The following SYNE2 variants were observed in gnomAD, a reference collection of about 807,000 sequenced individuals.
SYNE2 encodes the protein spectrin repeat containing nuclear envelope protein 2.
SYNE2 carries 431 observed loss-of-function variants against 856.3 expected under a neutral mutation model. The ratio of observed to expected loss-of-function variants is 0.50; its 90% CI spans 0.47 to 0.55. The LOEUF (loss-of-function observed/expected upper bound fraction) is 0.55, where lower values mean the gene tolerates loss of function less well. Among genes scored for constraint, SYNE2 ranks in the 20% least tolerant of loss-of-function variants. The pLI is 0.00. For missense variants in SYNE2, 8,129 were observed against 8,023.2 expected (o/e 1.01, Z -0.50); for synonymous variants, 2,923 against 2,872.3 (o/e 1.02, Z -0.56).
At chr14:63,782,703 C>G (rs557285464) in intron 1 of SYNE2, among the ~76,000 whole-genome samples, 46 of 151,916 alleles carry the variant, frequency 3.0e-4, no homozygotes, top group African/African-American at 1.1e-3. Flanking sequence ...AGAATGCCAA[C>G]TACAAAGTGT....
intron 89 of SYNE2, 141 bp downstream of exon 89, chr14:64,163,722 G>A (rs2098347792): frequency 5.6e-6 from 5 of 895,476 alleles, no homozygotes; most frequent in South Asian, 1.4e-5. Flanking sequence ...AAATGTATAC[G>A]ATTCTAGCTT....
chr14:63,774,561 G>T (rs1172497661), intron 1 of SYNE2, among the ~76,000 whole-genome samples: 4 of 151,406 alleles, frequency 2.6e-5, no homozygotes, highest in Non-Finnish European at 4.4e-5. Flanking sequence ...TTGAGACAGG[G>T]TCTCGCTCTG....
At chr14:63,969,981 C>A (rs1319518228) in intron 11 of SYNE2, among the ~76,000 whole-genome samples, 4 of 152,032 alleles carry the variant, frequency 2.6e-5, no homozygotes, top group African/African-American at 9.7e-5. Flanking sequence ...ATGAAATATT[C>A]CTGCTTATCT....
At chr14:64,039,536 A>T (rs1270055651) in intron 45 of SYNE2, among the ~76,000 whole-genome samples, 1 of 152,230 alleles carries the variant, frequency 6.6e-6, no homozygotes, top group African/African-American at 2.4e-5. Flanking sequence ...CCCAAATGAA[A>T]GGAAAGATAC....
In SYNE2 at chr14:64,048,684, G is replaced by A. The variant is rs540579232; in HGVS notation, c.7377+529G>A. 3.5e-3 allele frequency: 542 copies of A among 153,656 alleles called. 1 individual carries two copies. The highest frequency in any genetic ancestry group is 0.014 in the South Asian group (68 of 4,914). The allele number at this position is 153,656 out of a possible 1,614,324, so 9.5% of individuals were successfully genotyped here. A position where few individuals can be genotyped will look rare whatever the true frequency, so the allele number is the denominator to read the frequency against. On this transcript the variant is annotated intron_variant, in intron 46 of 115. Transcript: ENST00000555002. ...GCACTTTGGGAGGCCGAGGCGGGAG[G>A]ACTGCCTGAGTCCAGGAGTTGGAGA...
rs11334415 is a variant in SYNE2, at chr14:63,827,625, CAAAAAAAAA to C, written c.-304-24853_-304-24845del. Among the ~76,000 whole-genome samples, 8 of 28,406 alleles carry C rather than the reference CAAAAAAAAA, an allele frequency of 2.8e-4. No homozygotes were observed. In the South Asian group the frequency reaches 4.4e-3, roughly 16 times the overall value. The allele number at this position is 28,406 out of a possible 152,430, so 18.6% of individuals were successfully genotyped here. A position where few individuals can be genotyped will look rare whatever the true frequency, so the allele number is the denominator to read the frequency against. On this transcript the variant is annotated intron_variant, in intron 1 of 23. Coordinates refer to the SYNE2 transcript ENST00000674003. Reference sequence around the variant, plus strand: ...GGGCAACAAGATTGAAACTCTGTCTCAAAAAAAAAAAAAAAAAAAAAAAAAAAAAAAGAA... The same window carrying C: ...GGGCAACAAGATTGAAACTCTGTCTCAAAAAAAAAAAAAAAAAAAAAAGAA...
intron 1 of SYNE2, among the ~76,000 whole-genome samples, chr14:63,764,375 A>G (rs1306109240): frequency 6.6e-6 from 1 of 152,178 alleles, no homozygotes; most frequent in Non-Finnish European, 1.5e-5. Flanking sequence ...AGAAGTTCAA[A>G]GTGGACAGTG....
At chr14:63,810,330 A>G (rs1170956687) in intron 1 of SYNE2, among the ~76,000 whole-genome samples, 2 of 152,228 alleles carry the variant, frequency 1.3e-5, no homozygotes, top group Non-Finnish European at 2.9e-5. Context: ...AAGTGATGAT[A>G]AACCCATATA....
At position 64,152,708 on chromosome 14, in the gene SYNE2, C is replaced by G; in HGVS notation, c.15784C>G (p.Leu5262Val). ...GTTATTTCAAAAGAGAAGCAGTGTTCTCACTCAGGTACTAGAATTCATTTG... is the reference window on the plus strand; with the variant it reads ...GTTATTTCAAAAGAGAAGCAGTGTTGTCACTCAGGTACTAGAATTCATTTG... ...DELFQKRSSV[L>V]TQVNQLKTSM... The change falls in exon 85 of 116, where the codon CTC (leucine) becomes GTC (valine). Residue 5262 changes from leucine (L) to valine (V), a missense_variant. Physicochemically the swap from Leu to Val is conservative, Grantham distance 32. Around this residue, in one of 3 missense-constraint regions of SYNE2, gnomAD observed 5,410 missense variants for 5,284.8 expected, o/e 1.02. Transcript: ENST00000555002. 5.0e-6 allele frequency: 8 copies of G among 1,614,074 alleles called. No homozygotes were observed. Among genetic ancestry groups the G allele is most frequent in the Non-Finnish European group, 6.8e-6 (8 of 1,179,984 alleles).
In SYNE2 at chr14:63,796,987, A is replaced by T. The variant is rs181217754; in HGVS notation, c.-305+35001A>T. 5.1e-3 allele frequency among the ~76,000 whole-genome samples: 763 copies of T among 149,596 alleles called. 5 individuals carry two copies. The highest frequency in any genetic ancestry group is 9.1e-3 in the Non-Finnish European group (614 of 67,140). ...CCAGCTACTCGGGAGGCTGAGGCAGAAGAATCGCTTGAACCCAGGAGGTGG... is the reference window on the plus strand; with the variant it reads ...CCAGCTACTCGGGAGGCTGAGGCAGTAGAATCGCTTGAACCCAGGAGGTGG... On this transcript the variant is annotated intron_variant, in intron 1 of 23. Transcript: ENST00000674003.
At chr14:64,210,973 TTCTC>T (rs1021170235) in intron 103 of SYNE2, among the ~76,000 whole-genome samples, 4 of 152,038 alleles carry the variant, frequency 2.6e-5, no homozygotes, top group African/African-American at 9.7e-5. Flanking sequence ...CCGTCTTTCT[TTCTC>T]TCTCTTCTCT....
chr14:63,824,226 C>T (rs1477066352), intron 1 of SYNE2, among the ~76,000 whole-genome samples: 1 of 152,124 alleles, frequency 6.6e-6, no homozygotes, highest in Non-Finnish European at 1.5e-5. Flanking sequence ...GTAGTCCCAG[C>T]TACTTGGGAG....
intron 96 of SYNE2, among the ~76,000 whole-genome samples, chr14:64,184,358 G>GTGTGTGTA (rs989630777): frequency 6.6e-6 from 1 of 150,724 alleles, no homozygotes; most frequent in African/African-American, 2.5e-5. Context: ...GTGTGTGTGT[G>GTGTGTGTA]TGTGTATGTG....
intron 11 of SYNE2, among the ~76,000 whole-genome samples, chr14:63,970,348 C>A (rs955063513): frequency 2.6e-5 from 4 of 152,094 alleles, no homozygotes; most frequent in Non-Finnish European, 5.9e-5. Flanking sequence ...GCCATCACAC[C>A]TTTCAAAGTT....
At chr14:64,213,941 A>G (rs2098654076) in intron 105 of SYNE2, among the ~76,000 whole-genome samples, 1 of 152,202 alleles carries the variant, frequency 6.6e-6, no homozygotes, top group Non-Finnish European at 1.5e-5. Flanking sequence ...TTAGATTATC[A>G]AACTTCAGCT....
Position 64,060,395 on chromosome 14 carries a change from G to A in SYNE2, c.10068-2356G>A, listed in dbSNP as rs576106789. Among the ~76,000 whole-genome samples the A allele has an allele frequency of 2.6e-5, 4 of 152,164 alleles. No individual in the cohort carries two copies. The South Asian group carries it at 6.2e-4, about 24-fold the overall frequency. ...CTGCCAGGGCTGGGTCCTTCCCTTC[G>A]AGGAAGTGGGTTCCCTTCTGGCCCA... is the stretch of plus-strand genomic sequence containing the variant. On this transcript the variant is annotated intron_variant, in intron 49 of 115. Transcript: ENST00000555002.
chr14:64,038,499 G>GCC (rs2097120536), intron 45 of SYNE2, among the ~76,000 whole-genome samples: 1 of 152,206 alleles, frequency 6.6e-6, no homozygotes, highest in African/African-American at 2.4e-5. Context: ...GCGGCTGGGA[G>GCC]GTGGAGGTTG....
At chr14:63,837,193 G>GA (rs1889886182) in intron 1 of SYNE2, among the ~76,000 whole-genome samples, 1 of 152,082 alleles carries the variant, frequency 6.6e-6, no homozygotes, top group Admixed American at 6.6e-5. Context: ...AATTCAATGG[G>GA]AAAAAATAGT....
At chr14:64,004,390 G>T (rs757287314) in intron 30 of SYNE2, among the ~76,000 whole-genome samples, 17 of 151,666 alleles carry the variant, frequency 1.1e-4, no homozygotes, top group African/African-American at 1.7e-4. Flanking sequence ...GGGTGCAGTG[G>T]CATGATCTCG....
Sources: gnomAD v4.1 joint callset for allele counts (sites outside exome capture counted in the v4.1 genomes callset) on GRCh38, gnomAD v4.1.1 for gene constraint, gnomAD v4.1.1 regional missense constraint, MANE v1.5 for transcripts, NCBI Gene and HGNC (gene_info 2026-07-23, HGNC 2026-07-21) for gene names.